HMGB1: variants seen among roughly 807,000 people sequenced by gnomAD.
HMGB1 encodes high mobility group protein B1.
For missense variants in HMGB1, 79 were observed against 253.5 expected, an observed-to-expected ratio of 0.31 and a Z score of 4.67; for synonymous variants, 81 against 84.0, an observed-to-expected ratio of 0.96 and a Z score of 0.19.
intron 1 of HMGB1, among the ~76,000 whole-genome samples, chr13:30,489,966 T>TC (rs1315294000): frequency 7.4e-6 from 1 of 135,304 alleles, no homozygotes; most frequent in Non-Finnish European, 1.5e-5. Flanking sequence ...CCCCAAGTGA[T>TC]CCGCCTGCCC....
intron 1 of HMGB1, among the ~76,000 whole-genome samples, chr13:30,505,368 C>T (rs949173984): frequency 5.9e-5 from 9 of 151,964 alleles, no homozygotes; most frequent in Non-Finnish European, 8.8e-5. Flanking sequence ...TTAGTAGAGA[C>T]AGGGTTTCAC....
Position 30,538,544 on chromosome 13 carries a change from T to TC in HMGB1, c.-14-74851dup, listed in dbSNP as rs1491299670. ...CTTTCCTTTCTTTCTTTCCTTTCTT[T>TC]CTTTCTTTCTTTTTCTTTCTTCTTT... On this transcript the variant is annotated intron_variant, in intron 1 of 4. Transcript: ENST00000405805. 1.4e-4 allele frequency among the ~76,000 whole-genome samples: 18 copies of TC among 127,242 alleles called. 1 individual carries two copies. Among genetic ancestry groups the TC allele is most frequent in the African/African-American group, 7.8e-4 (18 of 23,026 alleles). The allele number at this position is 127,242 out of a possible 152,430, so 83.5% of individuals were successfully genotyped here.
intron 1 of HMGB1, among the ~76,000 whole-genome samples, chr13:30,566,787 T>G (rs1195802492): frequency 6.6e-6 from 1 of 152,216 alleles, no homozygotes; most frequent in Non-Finnish European, 1.5e-5. Context: ...TTCCTCAAAA[T>G]TTTGGTCTTT....
At chr13:30,470,234 C>T (rs1156848842), upstream of HMGB1, among the ~76,000 whole-genome samples, 3 of 152,212 alleles carry the variant, frequency 2.0e-5, no homozygotes, top group Non-Finnish European at 4.4e-5. Flanking sequence ...ACTTGGCATA[C>T]AGCAGGCATT....
At chr13:30,466,768 A>G (rs1886800371), upstream of HMGB1, among the ~76,000 whole-genome samples, 2 of 152,320 alleles carry the variant, frequency 1.3e-5, no homozygotes, top group Admixed American at 1.3e-4. Flanking sequence ...TTGGTTTGAT[A>G]TGGGGTACTC....
intron 1 of HMGB1, among the ~76,000 whole-genome samples, chr13:30,534,379 A>G (rs1321813095): frequency 2.0e-5 from 3 of 152,196 alleles, no homozygotes; most frequent in African/African-American, 7.2e-5. Context: ...ACAAAAATGG[A>G]TGCGAGCACA....
chr13:30,464,372 G>C (rs555433543), intron 1 of HMGB1: 1 of 985,288 alleles, frequency 1.0e-6, no homozygotes, highest in Non-Finnish European at 1.2e-6. Context: ...AAGGATGAGG[G>C]ACAAAAGCCA....
chr13:30,474,159 A>G (rs1887012739), intron 1 of HMGB1, among the ~76,000 whole-genome samples: 1 of 152,232 alleles, frequency 6.6e-6, no homozygotes, highest in South Asian at 2.1e-4. Flanking sequence ...AAACCATTGA[A>G]TTGTACACTG....
chr13:30,494,739 C>T (rs1172411701), intron 1 of HMGB1, among the ~76,000 whole-genome samples: 1 of 152,142 alleles, frequency 6.6e-6, no homozygotes, highest in Admixed American at 6.6e-5. Flanking sequence ...CATCCATCTC[C>T]AGAACTTTTT....
intron 1 of HMGB1, among the ~76,000 whole-genome samples, chr13:30,570,965 C>A (rs1870398328): frequency 6.6e-6 from 1 of 152,138 alleles, no homozygotes; most frequent in African/African-American, 2.4e-5. Flanking sequence ...AGATTTTTCA[C>A]ATAAATCAAT....
intron 1 of HMGB1, chr13:30,464,953 G>GGGCCGCCCGAGGGCCC (rs1477569810): frequency 3.5e-5 from 5 of 141,578 alleles, no homozygotes; most frequent in Non-Finnish European, 6.0e-5. Context: ...GCCGCGGTGG[G>GGGCCGCCCGAGGGCCC]GGCCGCCCGA....
intron 1 of HMGB1, among the ~76,000 whole-genome samples, chr13:30,503,504 A>G (rs1482560589): frequency 6.6e-6 from 1 of 152,074 alleles, no homozygotes; most frequent in Non-Finnish European, 1.5e-5. Context: ...TATAGTCTGT[A>G]TACTGTATCT....
intron 1 of HMGB1, among the ~76,000 whole-genome samples, chr13:30,602,987 G>T (rs1446290887): frequency 6.6e-6 from 1 of 152,110 alleles, no homozygotes; most frequent in Non-Finnish European, 1.5e-5. Flanking sequence ...TATTTTTTTG[G>T]TAGAGATCAG....
Position 30,538,497 on chromosome 13 carries a change from T to TCCTTTCTTTCTTTC in HMGB1, c.-14-74804_-14-74803insGAAAGAAAGAAAGG, listed in dbSNP as rs5802573. On this transcript the variant is annotated intron_variant, in intron 1 of 4. Transcript: ENST00000405805. Reference sequence around the variant, plus strand: ...TTCTTTCTTTCTTTCTTTCTTTCTTTCTTTCTTTCTTTCCTTTCTTTCTTT... The same window carrying TCCTTTCTTTCTTTC: ...TTCTTTCTTTCTTTCTTTCTTTCTTTCCTTTCTTTCTTTCCTTTCTTTCTTTCCTTTCTTTCTTT... Among the ~76,000 whole-genome samples, 5 of 46,932 alleles carry TCCTTTCTTTCTTTC rather than the reference T, an allele frequency of 1.1e-4. 1 individual carries two copies. The highest frequency in any genetic ancestry group is 1.3e-3 in the East Asian group (2 of 1,498). 30.8% of individuals were successfully genotyped at this position (46,932 alleles called of 152,430 possible). A position where few individuals can be genotyped will look rare whatever the true frequency, so the allele number is the denominator to read the frequency against.
intron 1 of HMGB1, among the ~76,000 whole-genome samples, chr13:30,539,111 G>A (rs1023018976): frequency 1.3e-5 from 2 of 152,104 alleles, no homozygotes; most frequent in Non-Finnish European, 2.9e-5. Flanking sequence ...TGGCCTGGAT[G>A]GTCTCCAATT....
chr13:30,610,314 A>C (rs964533913), intron 1 of HMGB1, among the ~76,000 whole-genome samples: 1 of 152,238 alleles, frequency 6.6e-6, no homozygotes, highest in Non-Finnish European at 1.5e-5. Context: ...TACCCATTTA[A>C]GAATCCATGG....
intron 1 of HMGB1, among the ~76,000 whole-genome samples, chr13:30,580,291 T>C (rs1870842381): frequency 6.6e-6 from 1 of 152,242 alleles, no homozygotes; most frequent in South Asian, 2.1e-4. Flanking sequence ...TGCCTGTTTC[T>C]AGCCCTCACT....
At chr13:30,538,731 T>TC (rs200918633) in intron 1 of HMGB1, among the ~76,000 whole-genome samples, 4 of 146,368 alleles carry the variant, frequency 2.7e-5, no homozygotes, top group Non-Finnish European at 4.5e-5. Context: ...TTTCTTTCTT[T>TC]TTCTTTCTTT....
At chr13:30,573,016 A>G (rs1870498216) in intron 1 of HMGB1, among the ~76,000 whole-genome samples, 1 of 152,186 alleles carries the variant, frequency 6.6e-6, no homozygotes, top group Non-Finnish European at 1.5e-5. Flanking sequence ...AATCTCTACT[A>G]TTTAAAATAA....
Sources: gnomAD v4.1 joint callset for allele counts (sites outside exome capture counted in the v4.1 genomes callset) on GRCh38, gnomAD v4.1.1 for gene constraint, MANE v1.5 for transcripts, NCBI Gene and HGNC (gene_info 2026-07-23, HGNC 2026-07-21) for gene names.